ATP6V0D1: variants seen among roughly 807,000 people sequenced by gnomAD.
The protein encoded by ATP6V0D1 is ATPase H+ transporting V0 subunit d1.
A neutral mutation model predicts 39.0 loss-of-function variants in ATP6V0D1; 13 were observed. The ratio of observed to expected loss-of-function variants is 0.33; its 90% confidence interval spans 0.22 to 0.53. The LOEUF (loss-of-function observed/expected upper bound fraction) is 0.53, where lower values mean the gene tolerates loss of function less well. ATP6V0D1 is among the 20% of genes least tolerant of loss of function. The pLI, the probability that ATP6V0D1 is intolerant of heterozygous loss-of-function variation, is 0.94. For synonymous variants in ATP6V0D1, 191 were observed against 191.2 expected, an observed-to-expected ratio of 1.00 and a Z score of 0.01; for missense variants, 272 against 470.9, an observed-to-expected ratio of 0.58 and a Z score of 3.91.
intron 1 of ATP6V0D1, among the ~76,000 whole-genome samples, chr16:67,475,038 G>A (rs895144871): frequency 2.0e-5 from 3 of 152,214 alleles, no homozygotes; most frequent in Non-Finnish European, 4.4e-5. Context: ...CGCCAGCCTG[G>A]ATTACTATAA....
At position 67,438,879 on chromosome 16, in the gene ATP6V0D1, G is replaced by C. The variant is rs749567809; in HGVS notation, c.817-9C>G. 1 of 1,613,772 alleles carries C rather than the reference G, an allele frequency of 6.2e-7. No individual in the cohort carries two copies. Among genetic ancestry groups the C allele is most frequent in the South Asian group, 1.1e-5 (1 of 91,076 alleles). The stretch of plus-strand genomic sequence containing the variant: ...AAGAGCAGCTTGTACTCCTGGCCAG[G>C]GGGGTGGGGGGAAGCACAAGCATGA... On this transcript the variant is annotated splice_polypyrimidine_tract_variant and intron_variant, in intron 6 of 7. Transcript: ENST00000290949.
rs778410970 is a variant in ATP6V0D1, at chr16:67,471,956, T to C, written c.130+9001A>G. ...CACACCAGGCCCAGTGAGTTTCTAA[T>C]TGTATCATACCACCAACCCTACCTC... is the stretch of plus-strand genomic sequence containing the variant. On this transcript the variant is annotated intron_variant, in intron 1 of 7. Coordinates refer to ENST00000290949, the MANE Select transcript of ATP6V0D1 (RefSeq NM_004691.5). Among the ~76,000 whole-genome samples the C allele has an allele frequency of 4.6e-5, 7 of 152,116 alleles. No individual in the cohort carries two copies. The South Asian group carries it at 6.2e-4, about 14-fold the overall frequency.
In ATP6V0D1 at chr16:67,438,065, A is replaced by G. The variant is rs926185094; in HGVS notation, c.*463T>C. ...TTATTGTCTCAGAGGGGCAGGGCTG[A>G]GGGAGGGAGCTGAGGAGCAACATCC... On this transcript the variant is annotated 3_prime_UTR_variant, in exon 8 of 8. Coordinates refer to ENST00000290949, the MANE Select transcript of ATP6V0D1 (RefSeq NM_004691.5). 1 of 179,648 alleles carries G rather than the reference A, an allele frequency of 5.6e-6. No individual in the cohort carries two copies. Among genetic ancestry groups the G allele is most frequent in the Non-Finnish European group, 1.2e-5 (1 of 84,110 alleles). The allele number at this position is 179,648 out of a possible 1,614,324, so 11.1% of individuals were successfully genotyped here.
chr16:67,464,325 G>C lies in ATP6V0D1; in HGVS notation c.131-10610C>G, dbSNP rs1597580575. Among the ~76,000 whole-genome samples, 7 of 152,132 alleles carry C rather than the reference G, an allele frequency of 4.6e-5. No homozygotes were observed. In the South Asian group the frequency reaches 1.5e-3, roughly 32 times the overall value. Reference sequence around the variant, plus strand: ...ACAAATGGAAGAATAGATAAAGGGGGAAAAAAATCAAAGAACATAGAGTGA... The same window carrying C: ...ACAAATGGAAGAATAGATAAAGGGGCAAAAAAATCAAAGAACATAGAGTGA... On this transcript the variant is annotated intron_variant, in intron 1 of 7. Coordinates refer to ENST00000290949, the MANE Select transcript of ATP6V0D1 (RefSeq NM_004691.5).
At chr16:67,443,722 T>G (rs543375468) in intron 3 of ATP6V0D1, among the ~76,000 whole-genome samples, 11 of 152,112 alleles carry the variant, frequency 7.2e-5, no homozygotes, top group Admixed American at 3.3e-4. Context: ...GCCTGCAGAC[T>G]CACTGGTCTA....
At chr16:67,473,161 A>C (rs565450036) in intron 1 of ATP6V0D1, among the ~76,000 whole-genome samples, 1 of 152,174 alleles carries the variant, frequency 6.6e-6, no homozygotes, top group African/African-American at 2.4e-5. Flanking sequence ...TTCTGAGACT[A>C]CTAATGCCAT....
chr16:67,457,681 A>C, intron 1 of ATP6V0D1: 2 of 1,281,188 alleles, frequency 1.6e-6, no homozygotes, highest in Non-Finnish European at 2.0e-6. Context: ...GTGCACGTGA[A>C]TGAGGGGGCA....
chr16:67,441,527 G>C (rs1049644921), intron 4 of ATP6V0D1: 2 of 152,312 alleles, frequency 1.3e-5, no homozygotes, highest in Non-Finnish European at 2.9e-5. Flanking sequence ...CAGGCAACCC[G>C]GCAACAGGCC....
intron 2 of ATP6V0D1, among the ~76,000 whole-genome samples, chr16:67,446,544 G>T (rs1473470462): frequency 6.6e-6 from 1 of 152,164 alleles, no homozygotes; most frequent in African/African-American, 2.4e-5. Context: ...TGCTGGCAGA[G>T]TGAGGGACCT....
At chr16:67,452,303 G>A in intron 2 of ATP6V0D1, 1 of 1,535,734 alleles carries the variant, frequency 6.5e-7, no homozygotes, top group Admixed American at 2.0e-5. Context: ...GAGAGGGCCT[G>A]CTTCCTAGCT....
At chr16:67,439,584 A>C (rs1597566222) in intron 4 of ATP6V0D1, 2 of 578,248 alleles carry the variant, frequency 3.5e-6, no homozygotes, top group East Asian at 2.8e-5. Flanking sequence ...GGCAGGGCCC[A>C]CCCGACTGTC....
At chr16:67,439,763 T>C (rs1037051814) in intron 4 of ATP6V0D1, 21 of 231,262 alleles carry the variant, frequency 9.1e-5, no homozygotes, top group Non-Finnish European at 1.4e-4. Context: ...GGCTCACGCC[T>C]GTAATCCCAG....
At chr16:67,455,185 C>A (rs2041225531) in intron 1 of ATP6V0D1, 1 of 152,340 alleles carries the variant, frequency 6.6e-6, no homozygotes, top group Non-Finnish European at 1.5e-5. Flanking sequence ...TTGGGACCAC[C>A]TCCACACGCT....
chr16:67,474,087 T>C (rs2041396423), intron 1 of ATP6V0D1, among the ~76,000 whole-genome samples: 1 of 152,226 alleles, frequency 6.6e-6, no homozygotes, highest in Non-Finnish European at 1.5e-5. Flanking sequence ...TCACTCAGTC[T>C]GCCTGTTAGA....
intron 2 of ATP6V0D1, among the ~76,000 whole-genome samples, chr16:67,446,939 C>T (rs1206632149): frequency 6.6e-6 from 1 of 152,170 alleles, no homozygotes; most frequent in Non-Finnish European, 1.5e-5. Context: ...GGCCCTAACA[C>T]ACCACAAAGC....
At chr16:67,458,253 CT>C (rs2142319170) in intron 1 of ATP6V0D1, among the ~76,000 whole-genome samples, 1 of 152,344 alleles carries the variant, frequency 6.6e-6, no homozygotes, top group East Asian at 1.9e-4. Context: ...CAGCTTCCTG[CT>C]CTCTCTGAGG....
intron 2 of ATP6V0D1, among the ~76,000 whole-genome samples, chr16:67,449,262 AC>A (rs1214116688): frequency 1.3e-5 from 2 of 152,130 alleles, no homozygotes; most frequent in African/African-American, 4.8e-5. Context: ...AGGGAGGCTC[AC>A]TCATTCAAAG....
Position 67,453,910 on chromosome 16 carries a change from T to G in ATP6V0D1, c.131-195A>C, listed in dbSNP as rs937839852. Among the ~76,000 whole-genome samples the G allele has an allele frequency of 2.6e-5, 4 of 152,164 alleles. No individual in the cohort carries two copies. The highest frequency in any genetic ancestry group is 5.9e-5 in the Non-Finnish European group (4 of 68,032). ...TAAGGCCCTGGAGATGCACCAGATCTTTGGGCCACAATCCAGCACATGGAG... is the reference window on the plus strand; with the variant it reads ...TAAGGCCCTGGAGATGCACCAGATCGTTGGGCCACAATCCAGCACATGGAG... On this transcript the variant is annotated intron_variant, in intron 1 of 7. Coordinates refer to ENST00000290949, the MANE Select transcript of ATP6V0D1 (RefSeq NM_004691.5). The surrounding 1 kb of genome is among the most constrained non-coding windows in gnomAD (Gnocchi z 4.1).
At chr16:67,477,981 TA>T (rs2142337643) in intron 1 of ATP6V0D1, among the ~76,000 whole-genome samples, 1 of 152,300 alleles carries the variant, frequency 6.6e-6, no homozygotes, top group South Asian at 2.1e-4. Context: ...TAAACAGTTT[TA>T]AAGAGAAAAG....
Sources: allele counts gnomAD v4.1 joint callset (sites outside exome capture counted in the v4.1 genomes callset), GRCh38; gene constraint gnomAD v4.1.1; non-coding constraint Gnocchi (gnomAD v3.1); transcripts MANE v1.5; gene names NCBI Gene and HGNC (gene_info 2026-07-23, HGNC 2026-07-21).